Variants in SLC24A3 observed in about 807,000 individuals in gnomAD.
SLC24A3 encodes sodium/potassium/calcium exchanger 3.
In SLC24A3, 28 loss-of-function variants were observed where a neutral mutation model predicts 75.8. The ratio of observed to expected loss-of-function variants is 0.37; its 90% CI spans 0.27 to 0.51. The LOEUF (loss-of-function observed/expected upper bound fraction) is 0.51. Among genes scored for constraint, SLC24A3 ranks in the 20% least tolerant of loss-of-function variants. SLC24A3 has a pLI of 0.94. For synonymous variants in SLC24A3, 372 were observed against 334.1 expected (o/e 1.11, Z -1.24); for missense variants, 663 against 847.8 (o/e 0.78, Z 2.71).
intron 1 of SLC24A3, among the ~76,000 whole-genome samples, chr20:19,256,744 G>A (rs1600396126): frequency 6.8e-6 from 1 of 146,724 alleles, no homozygotes. Flanking sequence ...ACTCCAGCCT[G>A]GGTAACAGAG....
intron 1 of SLC24A3, among the ~76,000 whole-genome samples, chr20:19,225,529 C>A (rs550265301): frequency 3.0e-4 from 46 of 152,178 alleles, no homozygotes; most frequent in Admixed American, 9.8e-4. Context: ...AAATAAAAAA[C>A]CCCTAAACTT....
rs1380146595 is a variant in SLC24A3, at chr20:19,575,761, A to G, written c.349-4239A>G. On this transcript the variant is annotated intron_variant, in intron 3 of 16. Transcript: ENST00000328041. ...TTTCAGGAGTTCAAACCTGTCTCATATTTTGTAGTGCATCTGGTAAAAATA... is the reference window on the plus strand; with the variant it reads ...TTTCAGGAGTTCAAACCTGTCTCATGTTTTGTAGTGCATCTGGTAAAAATA... Among the ~76,000 whole-genome samples the G allele has an allele frequency of 2.0e-5, 3 of 152,224 alleles. No individual in the cohort carries two copies. The East Asian group carries it at 5.8e-4, about 29-fold the overall frequency.
intron 2 of SLC24A3, among the ~76,000 whole-genome samples, chr20:19,488,790 C>A (rs6112411): frequency 0.2 from 30,343 of 152,080 alleles, 4,083 homozygotes; most frequent in African/African-American, 0.38. Context: ...TATACACCTT[C>A]TACACAGGCC....
intron 1 of SLC24A3, among the ~76,000 whole-genome samples, chr20:19,223,252 A>G (rs1338333580): frequency 6.6e-6 from 1 of 151,950 alleles, no homozygotes; most frequent in Non-Finnish European, 1.5e-5. Context: ...AGATTGCACC[A>G]TTGCACTCCA....
chr20:19,711,529 CACAT>C (rs1568707832), intron 15 of SLC24A3, among the ~76,000 whole-genome samples: 1 of 151,466 alleles, frequency 6.6e-6, no homozygotes, highest in East Asian at 1.9e-4. Flanking sequence ...GGCAAACACA[CACAT>C]GCATGCAAAC....
intron 2 of SLC24A3, among the ~76,000 whole-genome samples, chr20:19,427,146 C>T (rs755295262): frequency 2.0e-5 from 3 of 151,996 alleles, no homozygotes; most frequent in Non-Finnish European, 2.9e-5. Context: ...TGCATGCACG[C>T]GCAGGAATGA....
At position 19,678,640 on chromosome 20, in the gene SLC24A3, G is replaced by A. The variant is rs1056923339; in HGVS notation, c.768-3218G>A. Among the ~76,000 whole-genome samples the A allele has an allele frequency of 4.1e-5, 6 of 147,402 alleles. 1 individual carries two copies. The highest frequency in any genetic ancestry group is 1.5e-4 in the African/African-American group (6 of 39,102). ...ACGGGGCGGCTGGCCCCGGGCGGGG[G>A]GCTGACCCTCCACCTCCCTCCCGGA... is the stretch of plus-strand genomic sequence containing the variant. On this transcript the variant is annotated intron_variant, in intron 9 of 16. Transcript: ENST00000328041.
intron 2 of SLC24A3, among the ~76,000 whole-genome samples, chr20:19,366,164 G>A (rs969982908): frequency 6.6e-6 from 1 of 152,184 alleles, no homozygotes; most frequent in South Asian, 2.1e-4. Context: ...GGGAGGGTGG[G>A]GGTGGAGTCC....
At chr20:19,313,103 C>G (rs764628720) in intron 2 of SLC24A3, among the ~76,000 whole-genome samples, 11 of 124,042 alleles carry the variant, frequency 8.9e-5, no homozygotes, top group Non-Finnish European at 1.4e-4. Context: ...ATGGCAGGAT[C>G]TCAGCTCACT....
chr20:19,464,943 CT>C (rs1413432046), intron 2 of SLC24A3, among the ~76,000 whole-genome samples: 1 of 152,228 alleles, frequency 6.6e-6, no homozygotes, highest in Non-Finnish European at 1.5e-5. Context: ...TCCAGTGGAT[CT>C]TTCTGGAGTG....
intron 2 of SLC24A3, among the ~76,000 whole-genome samples, chr20:19,427,418 G>A (rs1343202894): frequency 6.6e-6 from 1 of 152,128 alleles, no homozygotes; most frequent in African/African-American, 2.4e-5. Flanking sequence ...GGCATCTGGA[G>A]GCTGAAAAAA....
At chr20:19,627,089 G>A (rs537060256) in intron 6 of SLC24A3, among the ~76,000 whole-genome samples, 1 of 152,344 alleles carries the variant, frequency 6.6e-6, no homozygotes, top group East Asian at 1.9e-4. Flanking sequence ...CTTGTTATCT[G>A]CAAAGCAGGA....
At chr20:19,457,962 C>T (rs1304246398) in intron 2 of SLC24A3, among the ~76,000 whole-genome samples, 3 of 152,146 alleles carry the variant, frequency 2.0e-5, no homozygotes, top group Non-Finnish European at 4.4e-5. Flanking sequence ...TCTGGAGGAC[C>T]GTTGATGAAT....
chr20:19,239,003 G>A (rs1253432633), intron 1 of SLC24A3, among the ~76,000 whole-genome samples: 1 of 151,790 alleles, frequency 6.6e-6, no homozygotes, highest in South Asian at 2.1e-4. Context: ...CCAAATTCGT[G>A]GGAGGACCCA....
intron 2 of SLC24A3, among the ~76,000 whole-genome samples, chr20:19,410,475 G>A (rs1321018195): frequency 6.6e-6 from 1 of 152,198 alleles, no homozygotes; most frequent in Non-Finnish European, 1.5e-5. Flanking sequence ...TCACCACAAG[G>A]AAGGTGGTCA....
At chr20:19,296,896 C>G (rs1174795139) in intron 2 of SLC24A3, among the ~76,000 whole-genome samples, 2 of 152,204 alleles carry the variant, frequency 1.3e-5, no homozygotes, top group Admixed American at 1.3e-4. Context: ...AACAAAGAGT[C>G]TCTCAGACCA....
At chr20:19,363,218 T>C (rs770075251) in intron 2 of SLC24A3, among the ~76,000 whole-genome samples, 12 of 152,244 alleles carry the variant, frequency 7.9e-5, no homozygotes, top group Non-Finnish European at 1.2e-4. Context: ...CATGGATCAG[T>C]AGGGCAACAA....
At chr20:19,567,878 G>A (rs571964112) in intron 3 of SLC24A3, among the ~76,000 whole-genome samples, 16 of 152,216 alleles carry the variant, frequency 1.1e-4, no homozygotes, top group East Asian at 5.8e-4. Context: ...TTTGCAAATC[G>A]TATATCTGAT....
chr20:19,334,404 A>AT, intron 2 of SLC24A3, among the ~76,000 whole-genome samples: 1 of 151,914 alleles, frequency 6.6e-6, no homozygotes, highest in Non-Finnish European at 1.5e-5. Context: ...TGAAGCATAC[A>AT]AAAGTATATG....
Sources: gnomAD v4.1 joint callset for allele counts (sites outside exome capture counted in the v4.1 genomes callset) on GRCh38, gnomAD v4.1.1 for gene constraint, MANE v1.5 for transcripts, NCBI Gene and HGNC (gene_info 2026-07-23, HGNC 2026-07-21) for gene names.